The following MPP3 variants were observed in gnomAD, a reference collection of about 807,000 sequenced individuals.
The protein encoded by MPP3 is MAGUK p55 subfamily member 3.
A neutral mutation model predicts 80.7 loss-of-function variants in MPP3; 48 were observed. The ratio of observed to expected loss-of-function variants is 0.59; its 90% CI spans 0.47 to 0.76. The LOEUF (loss-of-function observed/expected upper bound fraction) is 0.76, where lower values mean the gene tolerates loss of function less well. Among genes scored for constraint, MPP3 ranks in the 30% least tolerant of loss-of-function variants. MPP3 has a pLI of 0.00. For missense variants in MPP3, 620 were observed against 763.0 expected (o/e 0.81, Z 2.21); for synonymous variants, 311 against 297.6 (o/e 1.04, Z -0.46).
chr17:43,822,035 G>A (rs901245086), intron 10 of MPP3, among the ~76,000 whole-genome samples: 6 of 152,144 alleles, frequency 3.9e-5, no homozygotes, highest in Admixed American at 2.0e-4. Flanking sequence ...ACAGGCTGGG[G>A]GACAGGCTAC....
In MPP3 at chr17:43,807,161, C is replaced by T. The variant is rs61519374; in HGVS notation, c.1581+1795G>A. Among the ~76,000 whole-genome samples the T allele has an allele frequency of 4.7e-5, 7 of 147,844 alleles. No homozygotes were observed. The East Asian group carries it at 1.4e-3, about 30-fold the overall frequency. On this transcript the variant is annotated intron_variant, in intron 19 of 19. Transcript: ENST00000398389. ...TAATTTTTGTATTTTTAGTATGAGA[C>T]GGGGTTTCACCATGTTGGCCTGGCT...
At position 43,827,843 on chromosome 17, in the gene MPP3, G is replaced by C; in HGVS notation, c.442-11C>G. The C allele has an allele frequency of 2.5e-6, 4 of 1,612,628 alleles. No individual in the cohort carries two copies. The highest frequency in any genetic ancestry group is 3.4e-6 in the Non-Finnish European group (4 of 1,179,766). On this transcript the variant is annotated splice_polypyrimidine_tract_variant and intron_variant, in intron 7 of 19. Transcript: ENST00000398389. ...CCGGATGGTGGCACCCTGAACCCGA[G>C]ACAGAAGAGACAGGTTCTTAAGCAG...
chr17:43,811,256 G>A (rs544716116), intron 16 of MPP3, 51 bp from the exon 17 acceptor site: 187 of 1,402,124 alleles, frequency 1.3e-4, no homozygotes, highest in Non-Finnish European at 1.7e-4. Context: ...ATCACAGCAC[G>A]CAGGGACAGC....
chr17:43,808,274 C>A (rs1048433928), intron 19 of MPP3, among the ~76,000 whole-genome samples: 4 of 152,160 alleles, frequency 2.6e-5, no homozygotes, highest in African/African-American at 9.7e-5. Context: ...TATTCTGGGA[C>A]TGAGTTGCTT....
chr17:43,809,105 T>C (rs781341113), intron 18 of MPP3, 27 bp from the exon 19 acceptor site: 1 of 1,570,538 alleles, frequency 6.4e-7, no homozygotes, highest in South Asian at 1.2e-5. Flanking sequence ...AGGAATATTA[T>C]ATACTTTTGA....
Position 43,825,751 on chromosome 17 carries a change from C to T in MPP3, c.609+5G>A, listed in dbSNP as rs370915098. 3.8e-5 allele frequency: 61 copies of T among 1,600,170 alleles called. No homozygotes were observed. Among genetic ancestry groups the T allele is most frequent in the Non-Finnish European group, 4.8e-5 (56 of 1,167,386 alleles). ...GCACATCCCTAGCAGGCTTGTAGCA[C>T]GGACCAGAATCTGGCTGATCTCGTC... On this transcript the variant is annotated splice_donor_5th_base_variant and intron_variant, in intron 9 of 19. Transcript: ENST00000398389.
intron 19 of MPP3, among the ~76,000 whole-genome samples, chr17:43,807,094 C>T (rs778790201): frequency 3.3e-5 from 5 of 151,838 alleles, no homozygotes; most frequent in Non-Finnish European, 7.4e-5. Context: ...GTCTCAGCCT[C>T]CCGAGTAGCT....
intron 18 of MPP3, among the ~76,000 whole-genome samples, chr17:43,809,452 G>A (rs2044752634): frequency 6.6e-6 from 1 of 152,190 alleles, no homozygotes; most frequent in Non-Finnish European, 1.5e-5. Flanking sequence ...TATCTATTTA[G>A]TCAAATGTCA....
At position 43,820,605 on chromosome 17, in the gene MPP3, TACAC is replaced by T. The variant is rs61249899; in HGVS notation, c.881+253_881+256del. The stretch of plus-strand genomic sequence containing the variant: ...GACTCTGTCTCAAAAAAAAAAAAAA[TACAC>T]ACACACACACACACACACACACACA... On this transcript the variant is annotated intron_variant, in intron 11 of 19. Transcript: ENST00000398389. Among the ~76,000 whole-genome samples the T allele has an allele frequency of 7.7e-3, 964 of 125,262 alleles. 13 individuals carry two copies. Among genetic ancestry groups the T allele is most frequent in the African/African-American group, 0.022 (754 of 34,382 alleles). 82.2% of individuals were successfully genotyped at this position (125,262 alleles called of 152,430 possible).
Position 43,801,455 on chromosome 17 carries a change from C to G in MPP3, c.*246G>C, listed in dbSNP as rs1464383729. The G allele has an allele frequency of 2.1e-6, 1 of 467,018 alleles. No homozygotes were observed. The highest frequency in any genetic ancestry group is 3.8e-6 in the Non-Finnish European group (1 of 263,306). 28.9% of individuals were successfully genotyped at this position (467,018 alleles called of 1,614,324 possible). ...AATCAGGGTCAGCTTGCCTGTGATA[C>G]TTTAATAAATGAAATGTGTTGTTTT... is the stretch of plus-strand genomic sequence containing the variant. On this transcript the variant is annotated 3_prime_UTR_variant, in exon 20 of 20. Transcript: ENST00000398389.
At chr17:43,804,452 T>C (rs1738187614) in intron 19 of MPP3, among the ~76,000 whole-genome samples, 1 of 152,148 alleles carries the variant, frequency 6.6e-6, no homozygotes, top group Admixed American at 6.6e-5. Flanking sequence ...AAAATAGTCT[T>C]TTCAACCAGT....
intron 9 of MPP3, 102 bp from the exon 10 acceptor site, chr17:43,824,107 A>C (rs2045587139): frequency 1.3e-6 from 1 of 782,428 alleles, no homozygotes; most frequent in Admixed American, 3.0e-5. Flanking sequence ...AGAAAGTCAG[A>C]CTTGCAGCCT....
intron 9 of MPP3, 24 bp downstream of exon 9, chr17:43,825,732 C>T: frequency 1.3e-6 from 2 of 1,527,132 alleles, no homozygotes; most frequent in East Asian, 2.2e-5. Flanking sequence ...CCCAGCACAT[C>T]CCTAGCAGGC....
intron 19 of MPP3, among the ~76,000 whole-genome samples, chr17:43,806,688 C>T (rs549709550): frequency 6.6e-6 from 1 of 151,770 alleles, no homozygotes; most frequent in Admixed American, 6.6e-5. Context: ...CGGCTCATTG[C>T]AACCTCTGCC....
At chr17:43,811,963 T>C (rs1459845038) in intron 16 of MPP3, among the ~76,000 whole-genome samples, 1 of 152,232 alleles carries the variant, frequency 6.6e-6, no homozygotes, top group African/African-American at 2.4e-5. Flanking sequence ...TTGTTTTTTA[T>C]TTTTTGAGAG....
At chr17:43,816,172 C>T in intron 13 of MPP3, 93 bp from the exon 14 acceptor site, 1 of 1,129,724 alleles carries the variant, frequency 8.9e-7, no homozygotes, top group African/African-American at 1.6e-5. Context: ...GCAGGAAGAG[C>T]CCCCTGGGAT....
At chr17:43,814,660 T>A in intron 14 of MPP3, 1 of 289,150 alleles carries the variant, frequency 3.5e-6, no homozygotes, top group Non-Finnish European at 6.4e-6. Context: ...AATGAAGATA[T>A]GAATCTACAA....
At chr17:43,806,524 A>C (rs1177989727) in intron 19 of MPP3, among the ~76,000 whole-genome samples, 1 of 151,900 alleles carries the variant, frequency 6.6e-6, no homozygotes, top group Non-Finnish European at 1.5e-5. Flanking sequence ...GTGTCACATA[A>C]TGGAGTATAT....
chr17:43,823,826 T>C (rs543451339), intron 10 of MPP3, 105 bp downstream of exon 10: 4 of 764,886 alleles, frequency 5.2e-6, no homozygotes, highest in Admixed American at 2.6e-5. Flanking sequence ...ATCTATGATC[T>C]GTTCGCAAAT....
Sources: gnomAD v4.1 joint callset for allele counts (sites outside exome capture counted in the v4.1 genomes callset) on GRCh38, gnomAD v4.1.1 for gene constraint, MANE v1.5 for transcripts, NCBI Gene and HGNC (gene_info 2026-07-23, HGNC 2026-07-21) for gene names.